Variants in ANKRD33B observed in about 807,000 individuals in gnomAD.
ANKRD33B encodes ankyrin repeat domain 33B.
Under a neutral mutation model 21.5 loss-of-function variants are expected in ANKRD33B, and 6 were observed. That is an observed-to-expected ratio of 0.28 (90% CI 0.15 to 0.55). ANKRD33B has a LOEUF of 0.55. ANKRD33B is among the 20% of genes least tolerant of loss of function. The pLI is 0.94. For synonymous variants in ANKRD33B, 347 were observed against 342.4 expected (o/e 1.01, Z -0.15); for missense variants, 698 against 747.2 (o/e 0.93, Z 0.77).
At chr5:10,612,884 G>A (rs1250282425) in intron 1 of ANKRD33B, among the ~76,000 whole-genome samples, 3 of 152,232 alleles carry the variant, frequency 2.0e-5, no homozygotes, top group South Asian at 2.1e-4. Context: ...CTCTTTAGAG[G>A]CCAGAATTCT....
chr5:10,566,117 G>A (rs1310869312), intron 1 of ANKRD33B, among the ~76,000 whole-genome samples: 3 of 152,180 alleles, frequency 2.0e-5, no homozygotes, highest in African/African-American at 7.2e-5. Context: ...TGAGATTTGG[G>A]TGGGGACACA....
chr5:10,650,496 AG>A lies in ANKRD33B; in HGVS notation c.*385del. The stretch of plus-strand genomic sequence containing the variant: ...CAAGTGATAGGGCCCCTTATATCCA[AG>A]GCAGTTTTAATACACTTGCCTGAAG... On this transcript the variant is annotated 3_prime_UTR_variant, in exon 4 of 4. Transcript: ENST00000296657. 1 of 156,798 alleles carries A rather than the reference AG, an allele frequency of 6.4e-6. No individual in the cohort carries two copies. Among genetic ancestry groups the A allele is most frequent in the East Asian group, 1.8e-4 (1 of 5,464 alleles). 9.7% of individuals were successfully genotyped at this position (156,798 alleles called of 1,614,324 possible).
At chr5:10,621,773 A>G (rs188106101) in intron 2 of ANKRD33B, among the ~76,000 whole-genome samples, 91 of 152,352 alleles carry the variant, frequency 6.0e-4, no homozygotes, top group Non-Finnish European at 9.1e-4. Context: ...TATCTTTTCT[A>G]TAAGGTGATG....
chr5:10,616,343 G>A (rs1211814033), intron 1 of ANKRD33B, among the ~76,000 whole-genome samples: 1 of 152,118 alleles, frequency 6.6e-6, no homozygotes, highest in Non-Finnish European at 1.5e-5. Context: ...GAGGTGGGTA[G>A]ATCACGAGGT....
At chr5:10,607,121 G>A (rs953158598) in intron 1 of ANKRD33B, among the ~76,000 whole-genome samples, 2 of 152,112 alleles carry the variant, frequency 1.3e-5, no homozygotes, top group African/African-American at 4.8e-5. Context: ...AAGAAAGTAG[G>A]CAACCTGACA....
intron 2 of ANKRD33B, chr5:10,624,689 G>A (rs769874441): frequency 3.1e-5 from 14 of 452,258 alleles, no homozygotes; most frequent in Admixed American, 1.4e-4. Flanking sequence ...TCAATGTGCC[G>A]AAGAGATTTT....
rs1735006832 is a variant in ANKRD33B, at chr5:10,564,695, G to T, written c.228G>T (p.Pro76=). 1.3e-6 allele frequency: 2 copies of T among 1,533,762 alleles called. No homozygotes were observed. Among genetic ancestry groups the T allele is most frequent in the African/African-American group, 2.7e-5 (2 of 73,076 alleles). The change falls in exon 1 of 4, where the codon CCG becomes CCT. Residue 76 remains proline (P), a synonymous_variant. Coordinates refer to ENST00000296657, the MANE Select transcript of ANKRD33B (RefSeq NM_001164440.2). ...GCGTCGAGAGCGCGGAGAGCGTCCC[G>T]GAGGGCGTCCCGGAAAGCGTCCCGG... ...EHGVESAESV[P]EGVPESVPET... is the part of the protein sequence containing the mutation.
chr5:10,590,678 C>G (rs976609901), intron 1 of ANKRD33B, among the ~76,000 whole-genome samples: 1 of 152,110 alleles, frequency 6.6e-6, no homozygotes, highest in African/African-American at 2.4e-5. Flanking sequence ...CAAGACAATT[C>G]TTCTTCCATT....
Position 10,585,875 on chromosome 5 carries a change from C to G in ANKRD33B, c.366+21042C>G, listed in dbSNP as rs574541183. 2.3e-3 allele frequency among the ~76,000 whole-genome samples: 344 copies of G among 152,318 alleles called. 2 individuals carry two copies. Among genetic ancestry groups the G allele is most frequent in the African/African-American group, 8.1e-3 (336 of 41,568 alleles). ...GCAGGGCCCCTCCTCTCTGTCCTCA[C>G]CTGAAGCAGTTGCATCCATCAGTCC... On this transcript the variant is annotated intron_variant, in intron 1 of 3. Transcript: ENST00000296657.
chr5:10,617,411 C>T (rs892593093), intron 1 of ANKRD33B, among the ~76,000 whole-genome samples: 5 of 152,158 alleles, frequency 3.3e-5, no homozygotes, highest in African/African-American at 1.2e-4. Flanking sequence ...CTGCTAGGGC[C>T]GAAACTCTGG....
chr5:10,580,212 C>A (rs1735414229), intron 1 of ANKRD33B, among the ~76,000 whole-genome samples: 1 of 152,216 alleles, frequency 6.6e-6, no homozygotes, highest in Non-Finnish European at 1.5e-5. Context: ...AATTACCTGT[C>A]AATTACAGTG....
intron 1 of ANKRD33B, among the ~76,000 whole-genome samples, chr5:10,616,304 C>T (rs952800111): frequency 4.7e-4 from 72 of 152,206 alleles, no homozygotes; most frequent in African/African-American, 1.5e-3. Context: ...TGTTGGCTCA[C>T]GCCTGTAATC....
intron 2 of ANKRD33B, among the ~76,000 whole-genome samples, chr5:10,632,155 C>G (rs1736735087): frequency 1.3e-5 from 2 of 151,906 alleles, no homozygotes. Context: ...CAGGATTTCA[C>G]TTTTCCTTCT....
rs1190705143 is a variant in ANKRD33B at position 10,652,239 on chromosome 5, G to A, written c.*2126G>A. On this transcript the variant is annotated 3_prime_UTR_variant, in exon 4 of 4. Coordinates refer to ENST00000296657, the MANE Select transcript of ANKRD33B (RefSeq NM_001164440.2). This position sits in a 1 kb window ranked among gnomAD's most constrained non-coding sequence, Gnocchi z 4.1. The stretch of plus-strand genomic sequence containing the variant: ...CTCCCAGGCACGCTTCTCAACACCG[G>A]CTACCCCTGCTGTGAAGGTTCTCAA... The A allele has an allele frequency of 6.6e-6, 1 of 152,406 alleles. No individual in the cohort carries two copies. The highest frequency in any genetic ancestry group is 1.9e-4 in the East Asian group (1 of 5,336). 9.4% of individuals were successfully genotyped at this position (152,406 alleles called of 1,614,324 possible).
At chr5:10,630,870 C>CAAAAAA (rs34531639) in intron 2 of ANKRD33B, among the ~76,000 whole-genome samples, 3 of 119,086 alleles carry the variant, frequency 2.5e-5, no homozygotes, top group Admixed American at 8.5e-5. Flanking sequence ...GAGACTGTGT[C>CAAAAAA]AAAAAAAAAA....
chr5:10,618,226 C>A, intron 1 of ANKRD33B, 107 bp from the exon 2 acceptor site: 1 of 1,430,356 alleles, frequency 7.0e-7, no homozygotes, highest in Non-Finnish European at 9.4e-7. Context: ...CCTGTCATTG[C>A]CTTGTCCAGC....
chr5:10,591,896 G>A (rs1164974725), intron 1 of ANKRD33B, among the ~76,000 whole-genome samples: 2 of 151,790 alleles, frequency 1.3e-5, no homozygotes, highest in East Asian at 1.9e-4. Flanking sequence ...TGATATAAGG[G>A]AATATTGTAT....
chr5:10,565,057 A>C (rs2126539556), intron 1 of ANKRD33B, among the ~76,000 whole-genome samples: 1 of 152,328 alleles, frequency 6.6e-6, no homozygotes, highest in East Asian at 1.9e-4. Flanking sequence ...TCGAGGTGTC[A>C]GCGCGGCAGA....
intron 1 of ANKRD33B, among the ~76,000 whole-genome samples, chr5:10,613,429 C>T (rs1360949263): frequency 6.6e-6 from 1 of 151,950 alleles, no homozygotes; most frequent in African/African-American, 2.4e-5. Flanking sequence ...GGACTACAGG[C>T]TCCTGCCACC....
Sources: gnomAD v4.1 joint callset for allele counts (sites outside exome capture counted in the v4.1 genomes callset) on GRCh38, gnomAD v4.1.1 for gene constraint, Gnocchi (gnomAD v3.1) non-coding constraint, MANE v1.5 for transcripts, NCBI Gene and HGNC (gene_info 2026-07-23, HGNC 2026-07-21) for gene names.